The following LUC7L2 variants were observed in gnomAD, a reference collection of about 807,000 sequenced individuals.
LUC7L2 encodes LUC7 like 2, pre-mRNA splicing factor.
Under a neutral mutation model 52.8 loss-of-function variants are expected in LUC7L2, and 25 were observed. That is an observed-to-expected ratio of 0.47 (90% CI 0.34 to 0.66). The LOEUF is 0.66. Ranked by LOEUF, LUC7L2 falls within the 30% of genes least tolerant of loss-of-function variation. LUC7L2 has a pLI of 0.01. For synonymous variants in LUC7L2, 144 were observed against 160.9 expected (o/e 0.89, Z 0.80); for missense variants, 328 against 497.8 (o/e 0.66, Z 3.25).
At chr7:139,404,552 C>A (rs1042517661) in intron 4 of LUC7L2, among the ~76,000 whole-genome samples, 1 of 152,170 alleles carries the variant, frequency 6.6e-6, no homozygotes, top group South Asian at 2.1e-4. Context: ...TCTTTGCTAA[C>A]ATATTATAAT....
chr7:139,390,519 G>A (rs1227635381), intron 2 of LUC7L2, among the ~76,000 whole-genome samples: 1 of 149,720 alleles, frequency 6.7e-6, no homozygotes, highest in Non-Finnish European at 1.5e-5. Flanking sequence ...ATGAGCCACT[G>A]CGTCTGGCCT....
intron 8 of LUC7L2, among the ~76,000 whole-genome samples, chr7:139,415,054 G>GTTGTT (rs1795526800): frequency 1.8e-5 from 1 of 54,192 alleles, no homozygotes; most frequent in African/African-American, 1.3e-4. Context: ...GCCCTGCTAA[G>GTTGTT]TTTTTTTTTT....
intron 2 of LUC7L2, among the ~76,000 whole-genome samples, chr7:139,378,513 T>TC (rs1205140676): frequency 6.6e-6 from 1 of 151,896 alleles, no homozygotes; most frequent in African/African-American, 2.4e-5. Flanking sequence ...ATTCAAGACT[T>TC]CAAGTGAGCT....
At chr7:139,355,657 A>G (rs1476966693), upstream of LUC7L2, among the ~76,000 whole-genome samples, 1 of 152,250 alleles carries the variant, frequency 6.6e-6, no homozygotes, top group Non-Finnish European at 1.5e-5. Flanking sequence ...CCATAGTGAC[A>G]TTAATGAACT....
At chr7:139,374,448 G>A in intron 1 of LUC7L2, 2 of 1,550,938 alleles carry the variant, frequency 1.3e-6, no homozygotes, top group Non-Finnish European at 1.7e-6. Context: ...GGGAGTGTCA[G>A]AAAGGCCCCG....
At chr7:139,342,037 A>G (rs1251528549) in intron 1 of LUC7L2, among the ~76,000 whole-genome samples, 1 of 152,158 alleles carries the variant, frequency 6.6e-6, no homozygotes, top group Non-Finnish European at 1.5e-5. Flanking sequence ...CAATGTGGGG[A>G]AAGGGAGAAC....
intron 2 of LUC7L2, among the ~76,000 whole-genome samples, chr7:139,396,849 G>T (rs192409205): frequency 5.5e-4 from 84 of 152,232 alleles, no homozygotes; most frequent in South Asian, 1.0e-3. Flanking sequence ...TAAAATGTCT[G>T]ATTCTCTGCT....
intron 9 of LUC7L2, among the ~76,000 whole-genome samples, chr7:139,421,457 G>C (rs1250659472): frequency 6.6e-6 from 1 of 152,220 alleles, no homozygotes; most frequent in African/African-American, 2.4e-5. Context: ...TTATAATGAA[G>C]TTGGGTATGG....
chr7:139,375,347 A>C (rs1327067451), intron 1 of LUC7L2: 11 of 985,276 alleles, frequency 1.1e-5, no homozygotes, highest in African/African-American at 1.7e-5. Flanking sequence ...CAGTATGAAA[A>C]AGCTCAGACT....
intron 1 of LUC7L2, among the ~76,000 whole-genome samples, chr7:139,352,187 C>A (rs982049391): frequency 6.6e-6 from 1 of 152,014 alleles, no homozygotes; most frequent in Non-Finnish European, 1.5e-5. Context: ...CAGAGAAAGA[C>A]CATCTCTAAA....
intron 1 of LUC7L2, chr7:139,341,527 G>C (rs745404460): frequency 1.3e-5 from 21 of 1,610,522 alleles, no homozygotes; most frequent in Non-Finnish European, 1.6e-5. Flanking sequence ...CATCGGGTAC[G>C]GGAGCCATGT....
intron 7 of LUC7L2, among the ~76,000 whole-genome samples, chr7:139,412,144 G>A (rs1186419180): frequency 2.6e-5 from 4 of 151,418 alleles, no homozygotes; most frequent in African/African-American, 7.3e-5. Flanking sequence ...CCAGCACTTC[G>A]GAAGGCCAAG....
chr7:139,370,050 T>C (rs922090283), intron 1 of LUC7L2, among the ~76,000 whole-genome samples: 2 of 152,252 alleles, frequency 1.3e-5, no homozygotes, highest in Non-Finnish European at 1.5e-5. Context: ...CCTTTCCTTA[T>C]GTAATAAATA....
At chr7:139,377,024 A>G (rs1800745751) in intron 2 of LUC7L2, among the ~76,000 whole-genome samples, 1 of 152,180 alleles carries the variant, frequency 6.6e-6, no homozygotes, top group African/African-American at 2.4e-5. Flanking sequence ...TGCAACAGGA[A>G]ACACCTTTGA....
At chr7:139,391,336 T>C (rs1402718223) in intron 2 of LUC7L2, among the ~76,000 whole-genome samples, 1 of 152,228 alleles carries the variant, frequency 6.6e-6, no homozygotes, top group African/African-American at 2.4e-5. Flanking sequence ...AGGATCTGGT[T>C]CTTAGAACTG....
upstream of LUC7L2, chr7:139,359,877 G>T (rs1370562077): frequency 3.1e-5 from 13 of 414,936 alleles, no homozygotes; most frequent in Non-Finnish European, 5.5e-5. Flanking sequence ...AAACGACTGA[G>T]CGCGAGGAGC....
chr7:139,401,941 C>A (rs1018764782), intron 3 of LUC7L2, among the ~76,000 whole-genome samples, 196 bp from the exon 4 acceptor site: 1 of 151,924 alleles, frequency 6.6e-6, no homozygotes, highest in Admixed American at 6.6e-5. Flanking sequence ...TAAGTAGAGG[C>A]AGAGTTTCGC....
chr7:139,399,130 A>G (rs1461500529), intron 3 of LUC7L2, among the ~76,000 whole-genome samples: 3 of 152,126 alleles, frequency 2.0e-5, no homozygotes, highest in African/African-American at 7.2e-5. Context: ...AATCTGTAGA[A>G]GGAACCAACT....
chr7:139,414,747 C>G (rs1450464328), intron 8 of LUC7L2, among the ~76,000 whole-genome samples: 1 of 152,224 alleles, frequency 6.6e-6, no homozygotes, highest in Admixed American at 6.5e-5. Flanking sequence ...GCCTGAAGCA[C>G]TCCTCTCTGA....
Sources: allele counts gnomAD v4.1 joint callset (sites outside exome capture counted in the v4.1 genomes callset), GRCh38; gene constraint gnomAD v4.1.1; transcripts MANE v1.5; gene names NCBI Gene and HGNC (gene_info 2026-07-23, HGNC 2026-07-21).